The following BLM variants were observed in gnomAD, a reference collection of about 807,000 sequenced individuals.
The protein encoded by BLM is recQ-like DNA helicase BLM.
Under a neutral mutation model 135.3 loss-of-function variants are expected in BLM, and 95 were observed. The ratio of observed to expected loss-of-function variants is 0.70; its 90% CI spans 0.59 to 0.83. The LOEUF is 0.83. Among genes scored for constraint, BLM ranks in the 40% least tolerant of loss-of-function variants. BLM has a pLI of 0.00. For missense variants in BLM, 1,518 were observed against 1,663.9 expected, an observed-to-expected ratio of 0.91 and a Z score of 1.53; for synonymous variants, 520 against 589.2, an observed-to-expected ratio of 0.88 and a Z score of 1.70.
At chr15:90,720,280 T>G (rs560778981) in intron 1 of BLM, among the ~76,000 whole-genome samples, 2 of 152,334 alleles carry the variant, frequency 1.3e-5, no homozygotes, top group South Asian at 4.1e-4. Flanking sequence ...ATTAGCTGAA[T>G]GAAAAATACA....
chr15:90,745,869 A>T (rs6496721), intron 1 of BLM, among the ~76,000 whole-genome samples: 3 of 151,978 alleles, frequency 2.0e-5, no homozygotes, highest in Non-Finnish European at 4.4e-5. Flanking sequence ...TGAGCTCAGG[A>T]GTTCGAGACC....
At chr15:90,801,230 C>T (rs983716097) in intron 17 of BLM, among the ~76,000 whole-genome samples, 2 of 151,902 alleles carry the variant, frequency 1.3e-5, no homozygotes, top group Admixed American at 1.3e-4. Flanking sequence ...GGTAAACATT[C>T]TCCTTTTGGT....
chr15:90,791,643 A>ATT (rs568509877), intron 15 of BLM, among the ~76,000 whole-genome samples: 1,622 of 147,028 alleles, frequency 0.011, 38 homozygotes, highest in African/African-American at 0.039. Flanking sequence ...CTTATATAAG[A>ATT]TTTTTTTTTT....
Position 90,815,344 on chromosome 15 carries a change from T to C in BLM, c.*65T>C. On this transcript the variant is annotated 3_prime_UTR_variant, in exon 22 of 22. Transcript: ENST00000355112. The surrounding 1 kb of genome is among the most constrained non-coding windows in gnomAD (Gnocchi z 4.6). ...GTCAGCATCTGACCATCTGTGACTA[T>C]AAAGCTGTTATTCTTGTTATACCAT... 6.5e-7 allele frequency: 1 copy of C among 1,546,048 alleles called. No homozygotes were observed. Among genetic ancestry groups the C allele is most frequent in the Non-Finnish European group, 8.9e-7 (1 of 1,119,768 alleles).
At chr15:90,721,578 T>C (rs150111956) in intron 1 of BLM, among the ~76,000 whole-genome samples, 15,234 of 151,910 alleles carry the variant, frequency 0.1, 2,320 homozygotes, top group African/African-American at 0.33. Context: ...CCACTTTGGC[T>C]TCCCAAAGTG....
intron 17 of BLM, 85 bp downstream of exon 17, chr15:90,798,422 T>G (rs1897085890): frequency 1.4e-6 from 2 of 1,426,914 alleles, no homozygotes; most frequent in Non-Finnish European, 9.6e-7. Context: ...AGAAAAACTT[T>G]TTGTCTATTT....
chr15:90,762,906 A>G lies in BLM; in HGVS notation c.1883-60A>G, dbSNP rs1169731612. 1.6e-5 allele frequency: 23 copies of G among 1,483,130 alleles called. No individual in the cohort carries two copies. The East Asian group carries it at 3.6e-4, about 23-fold the overall frequency. The allele number at this position is 1,483,130 out of a possible 1,614,324, so 91.9% of individuals were successfully genotyped here. ...GATTCTGCAGGGCAAGGGAAATGCT[A>G]AAGCTGTACTTTCACTGTATTCATG... On this transcript the variant is annotated intron_variant, in intron 7 of 21. Coordinates refer to ENST00000355112, the MANE Select transcript of BLM (RefSeq NM_000057.4).
intron 15 of BLM, among the ~76,000 whole-genome samples, chr15:90,792,375 G>A (rs1275594778): frequency 6.6e-6 from 1 of 152,100 alleles, no homozygotes; most frequent in Non-Finnish European, 1.5e-5. Flanking sequence ...CAAAGTTCTG[G>A]GATTACAGGC....
chr15:90,781,684 T>C (rs1896620779), intron 12 of BLM, among the ~76,000 whole-genome samples: 1 of 152,104 alleles, frequency 6.6e-6, no homozygotes, highest in African/African-American at 2.4e-5. Context: ...AAAAGAATCA[T>C]AAAAAATCTC....
At chr15:90,777,360 G>A (rs917932191) in intron 12 of BLM, among the ~76,000 whole-genome samples, 1 of 151,784 alleles carries the variant, frequency 6.6e-6, no homozygotes. Context: ...ACCATATTGC[G>A]CAGGCTGGTC....
rs370588118 is a variant in BLM, at chr15:90,815,223, G to A, written c.4198G>A (p.Ala1400Thr). The A allele has an allele frequency of 1.2e-6, 2 of 1,613,906 alleles. No homozygotes were observed. The highest frequency in any genetic ancestry group is 1.7e-6 in the Non-Finnish European group (2 of 1,180,020). Residue 1400 changes from alanine to threonine, a missense_variant, in exon 22 of 22, where the codon GCT (alanine) becomes ACT (threonine). This residue lies in a region of BLM where 153 missense variants were observed against 173.4 expected (regional missense o/e 0.88). Coordinates refer to ENST00000355112, the MANE Select transcript of BLM (RefSeq NM_000057.4). The surrounding 1 kb of genome is among the most constrained non-coding windows in gnomAD (Gnocchi z 4.6). Reference protein sequence around the residue: ...SGANSKLGIMAPPKPINRPFL... With the variant: ...SGANSKLGIMTPPKPINRPFL... The stretch of plus-strand genomic sequence containing the variant: ...AGCCAATAGCAAATTGGGGATTATG[G>A]CTCCACCGAAGCCTATAAATAGACC...
chr15:90,760,557 C>G (rs777135765), intron 6 of BLM, 37 bp from the exon 7 acceptor site: 8 of 1,573,800 alleles, frequency 5.1e-6, no homozygotes, highest in African/African-American at 1.4e-5. Context: ...GAGTAAACTA[C>G]TTATATTTAA....
In BLM at chr15:90,811,386, C is replaced by A; in HGVS notation, c.4056C>A (p.Ser1352=). ...GGTCTAAGAGGAGAAAAACTGCTTC[C>A]AGTGGTTCCAAGGCAAAGGGGTATG... ...SQRSKRRKTA[S]SGSKAKGGSA... Residue 1352 remains serine (S), a synonymous_variant, in exon 21 of 22, where the codon TCC becomes TCA. Coordinates refer to ENST00000355112, the MANE Select transcript of BLM (RefSeq NM_000057.4). 1 of 1,614,170 alleles carries A rather than the reference C, an allele frequency of 6.2e-7. No homozygotes were observed. Among genetic ancestry groups the A allele is most frequent in the East Asian group, 2.2e-5 (1 of 44,886 alleles).
At chr15:90,776,484 T>G (rs887225133) in intron 12 of BLM, among the ~76,000 whole-genome samples, 1 of 152,158 alleles carries the variant, frequency 6.6e-6, no homozygotes, top group Non-Finnish European at 1.5e-5. Flanking sequence ...TTTGACAAAA[T>G]ACTTTTATTG....
At chr15:90,789,947 A>T (rs1896855170) in intron 14 of BLM, among the ~76,000 whole-genome samples, 1 of 138,752 alleles carries the variant, frequency 7.2e-6, no homozygotes, top group South Asian at 2.4e-4. Flanking sequence ...CCTTGCTTCC[A>T]CTAAGTAATT....
chr15:90,782,714 C>A, intron 12 of BLM, 108 bp from the exon 13 acceptor site: 1 of 815,962 alleles, frequency 1.2e-6, no homozygotes. Flanking sequence ...ACTCCTAATA[C>A]CATCACACTG....
intron 5 of BLM, among the ~76,000 whole-genome samples, chr15:90,757,438 C>T (rs1895848289): frequency 6.6e-6 from 1 of 152,182 alleles, no homozygotes. Context: ...CCTGTCTTGG[C>T]TTTCAGTTCC....
chr15:90,736,594 A>G (rs1338258847), intron 1 of BLM, among the ~76,000 whole-genome samples: 1 of 152,172 alleles, frequency 6.6e-6, no homozygotes, highest in Admixed American at 6.5e-5. Flanking sequence ...TGAATGCACA[A>G]AGTTATTTGT....
Position 90,798,351 on chromosome 15 carries a change from T to C in BLM, c.3358+14T>C. On this transcript the variant is annotated intron_variant, in intron 17 of 21. Coordinates refer to ENST00000355112, the MANE Select transcript of BLM (RefSeq NM_000057.4). ...ACATTTTCTTGGGTAAGTCATCTGT[T>C]TTGAATGTTTGAGTTACTTCAATTG... is the stretch of plus-strand genomic sequence containing the variant. 2 of 1,611,500 alleles carry C rather than the reference T, an allele frequency of 1.2e-6. No homozygotes were observed. Among genetic ancestry groups the C allele is most frequent in the South Asian group, 2.2e-5 (2 of 90,740 alleles).
Sources: allele counts gnomAD v4.1 joint callset (sites outside exome capture counted in the v4.1 genomes callset), GRCh38; gene constraint gnomAD v4.1.1; regional missense constraint gnomAD v4.1.1; non-coding constraint Gnocchi (gnomAD v3.1); transcripts MANE v1.5; gene names NCBI Gene and HGNC (gene_info 2026-07-23, HGNC 2026-07-21).